ADGRB1: variants seen among roughly 807,000 people sequenced by gnomAD.
The protein encoded by ADGRB1 is brain-specific angiogenesis inhibitor 1.
Under a neutral mutation model 175.7 loss-of-function variants are expected in ADGRB1, and 36 were observed. The observed-to-expected ratio is 0.20, with a 90% CI of 0.16 to 0.27. The LOEUF (loss-of-function observed/expected upper bound fraction) is 0.27, where lower values mean the gene tolerates loss of function less well. Among genes scored for constraint, ADGRB1 ranks in the 10% least tolerant of loss-of-function variants. The pLI is 1.00. For synonymous variants in ADGRB1, 1,054 were observed against 979.4 expected, an observed-to-expected ratio of 1.08 and a Z score of -1.42; for missense variants, 1,731 against 2,255.3, an observed-to-expected ratio of 0.77 and a Z score of 4.71.
chr8:142,530,477 C>T (rs985846861), intron 24 of ADGRB1, among the ~76,000 whole-genome samples: 2 of 152,152 alleles, frequency 1.3e-5, no homozygotes, highest in African/African-American at 4.8e-5. Context: ...CAGGTGCATA[C>T]CCCTGTACCC....
rs372494694 is a variant in ADGRB1, at chr8:142,533,261, C to T, written c.3399-34C>T. 724 of 1,140,918 alleles carry T rather than the reference C, an allele frequency of 6.3e-4. 6 individuals carry two copies. In the African/African-American group the frequency reaches 8.3e-3, roughly 13 times the overall value. The allele number at this position is 1,140,918 out of a possible 1,614,324, so 70.7% of individuals were successfully genotyped here. A position where few individuals can be genotyped will look rare whatever the true frequency, so the allele number is the denominator to read the frequency against. ...GGCAGGGTGTCCCTGGGGGCAGGGG[C>T]GGGGGCGGCAGCGCTGACACCCTCC... On this transcript the variant is annotated intron_variant, in intron 24 of 30. Coordinates refer to ENST00000517894, the MANE Select transcript of ADGRB1 (RefSeq NM_001702.3).
In ADGRB1 at chr8:142,522,106, C is replaced by G. The variant is rs1843885503; in HGVS notation, c.3166C>G (p.Leu1056Val). 1 of 1,609,882 alleles carries G rather than the reference C, an allele frequency of 6.2e-7. No individual in the cohort carries two copies. Among genetic ancestry groups the G allele is most frequent in the African/African-American group, 1.3e-5 (1 of 74,884 alleles). Residue 1056 changes from leucine (L) to valine (V), a missense_variant, in exon 21 of 31, where the codon CTG becomes GTG. By Grantham distance (32) the Leu-to-Val change is conservative (BLOSUM62 1). Around this residue, in one of 8 missense-constraint regions of ADGRB1, gnomAD observed 301 missense variants for 488.4 expected, o/e 0.62. Transcript: ENST00000517894. The stretch of plus-strand genomic sequence containing the variant: ...CCTCATCCGCAAGCGCTTCCTCTGC[C>G]TGGGCTGGGGTGAGCCGCGGCCTTC... ...NRLIRKRFLC[L>V]GWGLPALVVA...
At chr8:142,482,771 T>C (rs1468239771) in intron 11 of ADGRB1, among the ~76,000 whole-genome samples, 2 of 146,862 alleles carry the variant, frequency 1.4e-5, no homozygotes, top group African/African-American at 5.2e-5. Flanking sequence ...AGCTGAGCCC[T>C]GATCCTGGTC....
rs532420556 is a variant in ADGRB1 at position 142,486,899 on chromosome 8, A to T, written c.2309-1465A>T. The stretch of plus-strand genomic sequence containing the variant: ...TAGCCAGGCATGGTGGTGCACCTTT[A>T]GTCCCTGCTACTAGGGAGGCTGAGG... On this transcript the variant is annotated intron_variant, in intron 13 of 30. Coordinates refer to ENST00000517894, the MANE Select transcript of ADGRB1 (RefSeq NM_001702.3). Among the ~76,000 whole-genome samples, 25 of 152,190 alleles carry T rather than the reference A, an allele frequency of 1.6e-4. No individual in the cohort carries two copies. In the South Asian group the frequency reaches 5.2e-3, roughly 32 times the overall value.
At chr8:142,471,892 G>A (rs921221700) in intron 2 of ADGRB1, among the ~76,000 whole-genome samples, 6 of 152,244 alleles carry the variant, frequency 3.9e-5, no homozygotes, top group African/African-American at 1.4e-4. Context: ...CCGTGCAGGG[G>A]GCCCTGGTCT....
At chr8:142,530,391 C>CA (rs1012969944) in intron 24 of ADGRB1, among the ~76,000 whole-genome samples, 8 of 152,066 alleles carry the variant, frequency 5.3e-5, no homozygotes, top group African/African-American at 1.9e-4. Context: ...TGGGTGGGGC[C>CA]AGTTGGGCTT....
At chr8:142,488,933 T>C in intron 14 of ADGRB1, 102 bp from the exon 15 acceptor site, 1 of 1,382,228 alleles carries the variant, frequency 7.2e-7, no homozygotes, top group Non-Finnish European at 9.9e-7. Context: ...ACCTTGAAGA[T>C]GGGCGGCAGA....
chr8:142,462,376 G>A (rs1306642081), intron 1 of ADGRB1, among the ~76,000 whole-genome samples: 1 of 152,214 alleles, frequency 6.6e-6, no homozygotes, highest in Non-Finnish European at 1.5e-5. Flanking sequence ...GAGAGCAGTG[G>A]GGTGCCCATC....
rs960380357 is a variant in ADGRB1 at position 142,493,905 on chromosome 8, C to T, written c.2675+3090C>T. Among the ~76,000 whole-genome samples the T allele has an allele frequency of 2.0e-5, 3 of 152,174 alleles. No individual in the cohort carries two copies. The highest frequency in any genetic ancestry group is 7.2e-5 in the African/African-American group (3 of 41,438). ...CACTCCTCGCCCTGTGAACTGTCTC[C>T]GGGGAGCTGAGTTTCCCAGTTGACC... On this transcript the variant is annotated intron_variant, in intron 17 of 30. Transcript: ENST00000517894. This position sits in a 1 kb window ranked among gnomAD's most constrained non-coding sequence, Gnocchi z 5.0.
rs767929729 is a variant in ADGRB1 at position 142,481,564 on chromosome 8, G to A, written c.1983G>A (p.Gly661=). 2.5e-6 allele frequency: 4 copies of A among 1,598,056 alleles called. No homozygotes were observed. The South Asian group carries it at 3.4e-5, about 14-fold the overall frequency. Reference sequence around the variant, plus strand: ...CTCAGCGAGGGCTGCCTGGGGAGGGGGTCTCGGAGGTCATCCAGACACTGG... The same window carrying A: ...CTCAGCGAGGGCTGCCTGGGGAGGGAGTCTCGGAGGTCATCCAGACACTGG... ...AKAQRGLPGE[G]VSEVIQTLVE... is the part of the protein sequence containing the mutation. The change falls in exon 11 of 31, where the codon GGG becomes GGA. Residue 661 remains glycine, a synonymous_variant. Transcript: ENST00000517894.
Position 142,464,683 on chromosome 8 carries a change from C to T in ADGRB1, c.485C>T (p.Pro162Leu). 1 of 1,526,350 alleles carries T rather than the reference C, an allele frequency of 6.6e-7. No homozygotes were observed. 94.6% of individuals were successfully genotyped at this position (1,526,350 alleles called of 1,614,324 possible). The change falls in exon 2 of 31, where the codon CCG (proline) becomes CTG (leucine). Residue 162 changes from proline (P) to leucine (L), a missense_variant. Around this residue, in one of 8 missense-constraint regions of ADGRB1, gnomAD observed 383 missense variants for 383.1 expected, o/e 1.00. Transcript: ENST00000517894. ...GACGGGCTCCGGCCCCGGGCCGGGC[C>T]GCCGGGCCCCACCGACGACTTCTCC... ...QHDGLRPRAG[P>L]PGPTDDFSVE...
rs1237535719 is a variant in ADGRB1, at chr8:142,537,815, C to T, written c.3666+733C>T. On this transcript the variant is annotated intron_variant, in intron 26 of 30. Transcript: ENST00000517894. This position sits in a 1 kb window ranked among gnomAD's most constrained non-coding sequence, Gnocchi z 4.6. Reference sequence around the variant, plus strand: ...GGGCCCCCAACAGCCCCCTGTGGAGCCTCAACTCTTCCACACCTCGACCTC... The same window carrying T: ...GGGCCCCCAACAGCCCCCTGTGGAGTCTCAACTCTTCCACACCTCGACCTC... 6.6e-6 allele frequency among the ~76,000 whole-genome samples: 1 copy of T among 152,162 alleles called. No individual in the cohort carries two copies. The highest frequency in any genetic ancestry group is 1.5e-5 in the Non-Finnish European group (1 of 68,010).
At chr8:142,473,725 G>T (rs958791440) in intron 2 of ADGRB1, among the ~76,000 whole-genome samples, 1 of 152,212 alleles carries the variant, frequency 6.6e-6, no homozygotes, top group African/African-American at 2.4e-5. Flanking sequence ...AAGGAAGAGG[G>T]TTCTGCAGCA....
At chr8:142,538,520 G>A (rs1330034960) in intron 26 of ADGRB1, among the ~76,000 whole-genome samples, 2 of 152,216 alleles carry the variant, frequency 1.3e-5, no homozygotes, top group Non-Finnish European at 2.9e-5. Context: ...TCTGATCCCA[G>A]GGGGAAGATT....
intron 2 of ADGRB1, among the ~76,000 whole-genome samples, chr8:142,472,560 A>C (rs534539874): frequency 6.6e-6 from 1 of 152,354 alleles, no homozygotes; most frequent in East Asian, 1.9e-4. Context: ...CAGGGGCTCC[A>C]TCCTGGCATT....
chr8:142,531,121 G>A (rs1437750236), intron 24 of ADGRB1, among the ~76,000 whole-genome samples: 7 of 152,248 alleles, frequency 4.6e-5, no homozygotes, highest in Non-Finnish European at 7.3e-5. Flanking sequence ...GGGGAGGGAA[G>A]CCTTGCACCT....
intron 1 of ADGRB1, among the ~76,000 whole-genome samples, chr8:142,459,481 C>T (rs1231938645): frequency 6.6e-6 from 1 of 152,170 alleles, no homozygotes; most frequent in East Asian, 1.9e-4. Flanking sequence ...TTCTCCAAGG[C>T]CGTGACTGTG....
intron 24 of ADGRB1, among the ~76,000 whole-genome samples, chr8:142,532,089 C>G (rs373895071): frequency 2.6e-5 from 4 of 152,292 alleles, no homozygotes; most frequent in South Asian, 4.1e-4. Context: ...TCTGACCGCA[C>G]ACCTGGGCCC....
At position 142,544,400 on chromosome 8, in the gene ADGRB1, C is replaced by T. The variant is rs1845470047; in HGVS notation, c.4738C>T (p.Leu1580Phe). The T allele has an allele frequency of 6.0e-6, 9 of 1,503,628 alleles. No individual in the cohort carries two copies. Among genetic ancestry groups the T allele is most frequent in the Non-Finnish European group, 7.1e-6 (8 of 1,123,288 alleles). 93.1% of individuals were successfully genotyped at this position (1,503,628 alleles called of 1,614,324 possible). A position where few individuals can be genotyped will look rare whatever the true frequency, so the allele number is the denominator to read the frequency against. The change falls in exon 31 of 31, where the codon CTC becomes TTC. Residue 1580 changes from leucine to phenylalanine, a missense_variant. By Grantham distance (22) the Leu-to-Phe change is conservative. This residue lies in a region of ADGRB1 where 7 missense variants were observed against 21.0 expected (regional missense o/e 0.33). Coordinates refer to ENST00000517894, the MANE Select transcript of ADGRB1 (RefSeq NM_001702.3). ...GCTGGTGGGCCAGGACATCATCGAC[C>T]TCCAGACCGAGGTCTGAGCGGGTGG... The part of the protein sequence containing the change: ...IPLVGQDIID[L>F]QTEV
Sources: allele counts gnomAD v4.1 joint callset (sites outside exome capture counted in the v4.1 genomes callset), GRCh38; gene constraint gnomAD v4.1.1; regional missense constraint gnomAD v4.1.1; non-coding constraint Gnocchi (gnomAD v3.1); transcripts MANE v1.5; gene names NCBI Gene and HGNC (gene_info 2026-07-23, HGNC 2026-07-21).